The following GALNT18 variants were observed in gnomAD, a reference collection of about 807,000 sequenced individuals.
GALNT18 encodes the protein GalNAc-transferase 18.
In GALNT18, 44 loss-of-function variants were observed where a neutral mutation model predicts 69.5. That is an observed-to-expected ratio of 0.63 (90% confidence interval 0.50 to 0.81). The LOEUF (loss-of-function observed/expected upper bound fraction) is 0.81, where lower values mean the gene tolerates loss of function less well. Among genes scored for constraint, GALNT18 ranks in the 40% least tolerant of loss-of-function variants. GALNT18 has a pLI of 0.00. For synonymous variants in GALNT18, 364 were observed against 318.2 expected (o/e 1.14, Z -1.53); for missense variants, 715 against 810.0 (o/e 0.88, Z 1.42).
chr11:11,352,311 T>C, intron 6 of GALNT18: 1 of 1,614,124 alleles, frequency 6.2e-7, no homozygotes, highest in South Asian at 1.1e-5. Context: ...CAAGATATCA[T>C]TGAAACGTGG....
At chr11:11,280,569 G>C (rs1849051623) in intron 10 of GALNT18, among the ~76,000 whole-genome samples, 1 of 152,172 alleles carries the variant, frequency 6.6e-6, no homozygotes. Context: ...GGCAGGAGAG[G>C]TGAGGCCTGC....
rs997289968 is a variant in GALNT18, at chr11:11,469,682, C to T, written c.236-20746G>A. On this transcript the variant is annotated intron_variant, in intron 1 of 10. Coordinates refer to ENST00000227756, the MANE Select transcript of GALNT18 (RefSeq NM_198516.3). This position sits in a 1 kb window ranked among gnomAD's most constrained non-coding sequence, Gnocchi z 4.2. ...AGGGTCTCAGGGCTGGCTACATGGA[C>T]GGTGTTAAGCAGATTTGCTAAAAGG... Among the ~76,000 whole-genome samples the T allele has an allele frequency of 2.6e-5, 4 of 152,136 alleles. No individual in the cohort carries two copies. The highest frequency in any genetic ancestry group is 6.5e-5 in the Admixed American group (1 of 15,270).
At chr11:11,524,992 A>T (rs1263191240) in intron 1 of GALNT18, among the ~76,000 whole-genome samples, 1 of 152,150 alleles carries the variant, frequency 6.6e-6, no homozygotes, top group Non-Finnish European at 1.5e-5. Context: ...AGGATGCAAA[A>T]CTCAGACTGG....
rs528056255 is a variant in GALNT18 at position 11,460,929 on chromosome 11, A to C, written c.236-11993T>G. 4.6e-5 allele frequency among the ~76,000 whole-genome samples: 7 copies of C among 152,340 alleles called. No individual in the cohort carries two copies. The South Asian group carries it at 1.5e-3, about 32-fold the overall frequency. ...TCAAGTATTCTTTTATAGCAATGCA[A>C]AACAGATTAAGACAGCCAGGGATAC... On this transcript the variant is annotated intron_variant, in intron 1 of 10. Transcript: ENST00000227756.
Position 11,573,290 on chromosome 11 carries a change from T to C in GALNT18, c.235+48069A>G, listed in dbSNP as rs111831641. Among the ~76,000 whole-genome samples, 2,562 of 152,170 alleles carry C rather than the reference T, an allele frequency of 0.017. 76 individuals are homozygous for C. The highest frequency in any genetic ancestry group is 0.058 in the African/African-American group (2,398 of 41,498). On this transcript the variant is annotated intron_variant, in intron 1 of 10. Transcript: ENST00000227756. The surrounding 1 kb of genome is among the most constrained non-coding windows in gnomAD (Gnocchi z 4.6). ...GAAGATGGAGCTCTCTGTCCCCGGG[T>C]GGGGCCGCAGCATCACAGTGCCTGT...
chr11:11,449,068 CTT>C (rs1342845314), intron 1 of GALNT18, 132 bp from the exon 2 acceptor site: 1 of 737,382 alleles, frequency 1.4e-6, no homozygotes, highest in East Asian at 2.9e-5. Context: ...TCAGTGCTGA[CTT>C]GGGTTTTCAT....
intron 1 of GALNT18, among the ~76,000 whole-genome samples, chr11:11,486,154 G>A (rs866499942): frequency 2.0e-5 from 3 of 152,298 alleles, no homozygotes; most frequent in Non-Finnish European, 2.9e-5. Flanking sequence ...TTTGAGGAGC[G>A]AGTAGGCCTG....
chr11:11,464,264 G>T (rs990701333), intron 1 of GALNT18, among the ~76,000 whole-genome samples: 18 of 152,240 alleles, frequency 1.2e-4, no homozygotes, highest in African/African-American at 4.3e-4. Flanking sequence ...GAACAAAAAA[G>T]CCTATGCCCA....
At position 11,377,344 on chromosome 11, in the gene GALNT18, C is replaced by T. The variant is rs777463455; in HGVS notation, c.815G>A (p.Arg272Gln). 4.5e-5 allele frequency: 73 copies of T among 1,613,766 alleles called. No homozygotes were observed. Among genetic ancestry groups the T allele is most frequent in the Admixed American group, 6.7e-5 (4 of 59,992 alleles). Reference protein sequence around the residue: ...EPVLTRIKENRKRIISPSFDN... With the variant: ...EPVLTRIKENQKRIISPSFDN... The stretch of plus-strand genomic sequence containing the variant: ...AAAGGATGGCGAGATGATCCGCTTC[C>T]GGTTCTCCTTGATGCGGGTGAGTAC... The change falls in exon 5 of 11, where the codon CGG becomes CAG. Residue 272 changes from arginine to glutamine, a missense_variant. Arg to Gln is a conservative substitution (Grantham distance 43). Transcript: ENST00000227756. The surrounding 1 kb of genome is among the most constrained non-coding windows in gnomAD (Gnocchi z 4.6).
In GALNT18 at chr11:11,498,877, C is replaced by T. The variant is rs11602257; in HGVS notation, c.236-49941G>A. 5.9e-3 allele frequency among the ~76,000 whole-genome samples: 894 copies of T among 152,300 alleles called. 7 individuals carry two copies. The highest frequency in any genetic ancestry group is 6.3e-3 in the Non-Finnish European group (431 of 68,026). ...GTAGCAATGTAATTGTAGTTACAGT[C>T]AGAGAAGATTAAATGGAAATATGCC... On this transcript the variant is annotated intron_variant, in intron 1 of 10. Transcript: ENST00000227756.
intron 8 of GALNT18, among the ~76,000 whole-genome samples, chr11:11,330,733 A>G (rs939766158): frequency 6.6e-6 from 1 of 152,256 alleles, no homozygotes; most frequent in African/African-American, 2.4e-5. Context: ...TGGGGATGGC[A>G]TGGAGGGCCT....
chr11:11,351,936 T>C (rs1412784942), intron 6 of GALNT18: 1 of 1,567,624 alleles, frequency 6.4e-7, no homozygotes, highest in Non-Finnish European at 8.7e-7. Flanking sequence ...AGGAGACAGA[T>C]AGGGCCGTTA....
intron 1 of GALNT18, among the ~76,000 whole-genome samples, chr11:11,458,898 T>G (rs142701962): frequency 1.3e-5 from 2 of 152,330 alleles, no homozygotes; most frequent in African/African-American, 4.8e-5. Context: ...ACAGGAAGCC[T>G]TGGCCTAACC....
chr11:11,531,238 G>A (rs1474853479), intron 1 of GALNT18, among the ~76,000 whole-genome samples: 4 of 152,210 alleles, frequency 2.6e-5, no homozygotes, highest in African/African-American at 7.2e-5. Context: ...AGGCAGCACA[G>A]TATACAGGCT....
In GALNT18 at chr11:11,332,976, C is replaced by T. The variant is rs1264243071; in HGVS notation, c.1279-145G>A. 2.0e-5 allele frequency: 16 copies of T among 794,904 alleles called. No homozygotes were observed. The highest frequency in any genetic ancestry group is 3.2e-5 in the Non-Finnish European group (16 of 497,342). 49.2% of individuals were successfully genotyped at this position (794,904 alleles called of 1,614,324 possible). On this transcript the variant is annotated intron_variant, in intron 7 of 10. Coordinates refer to ENST00000227756, the MANE Select transcript of GALNT18 (RefSeq NM_198516.3). The surrounding 1 kb of genome is among the most constrained non-coding windows in gnomAD (Gnocchi z 4.3). ...TGTGGCACGTTAACTCTTGCATTTT[C>T]CCACGGGTACCTTAACCCCGTAACC...
rs1190219336 is a variant in GALNT18, at chr11:11,590,052, T to C, written c.235+31307A>G. 6.6e-6 allele frequency among the ~76,000 whole-genome samples: 1 copy of C among 152,216 alleles called. No individual in the cohort carries two copies. Among genetic ancestry groups the C allele is most frequent in the Non-Finnish European group, 1.5e-5 (1 of 68,034 alleles). ...CCTTTGTGACTTTACCTAGGGGTGA[T>C]ATTCAAATATGTAATAACCAATGCA... On this transcript the variant is annotated intron_variant, in intron 1 of 10. Coordinates refer to ENST00000227756, the MANE Select transcript of GALNT18 (RefSeq NM_198516.3). The surrounding 1 kb of genome is among the most constrained non-coding windows in gnomAD (Gnocchi z 4.4).
At position 11,339,744 on chromosome 11, in the gene GALNT18, G is replaced by T. The variant is rs1001431217; in HGVS notation, c.1278+1075C>A. Among the ~76,000 whole-genome samples, 5 of 152,192 alleles carry T rather than the reference G, an allele frequency of 3.3e-5. No homozygotes were observed. Among genetic ancestry groups the T allele is most frequent in the African/African-American group, 4.8e-5 (2 of 41,458 alleles). On this transcript the variant is annotated intron_variant, in intron 7 of 10. Coordinates refer to ENST00000227756, the MANE Select transcript of GALNT18 (RefSeq NM_198516.3). This position sits in a 1 kb window ranked among gnomAD's most constrained non-coding sequence, Gnocchi z 5.2. ...TGCTGAAACCTCACTGATTGTGGGA[G>T]TATGCAACCCAACTCAAGTTCCCCT... is the stretch of plus-strand genomic sequence containing the variant.
At chr11:11,284,908 GTTTTTTTTTT>G (rs58795517) in intron 10 of GALNT18, among the ~76,000 whole-genome samples, 1 of 82,822 alleles carries the variant, frequency 1.2e-5, no homozygotes, top group Non-Finnish European at 2.1e-5. Flanking sequence ...AGACTTTCGT[GTTTTTTTTTT>G]TTTTTTTTTT....
rs530094604 is a variant in GALNT18, at chr11:11,413,227, G to A, written c.595+19394C>T. ...GAGAAGCTGGGACAAGCCCTGCACC[G>A]TGTAGCTCAGGCCCTGTTTAGCTGG... On this transcript the variant is annotated intron_variant, in intron 3 of 10. Coordinates refer to ENST00000227756, the MANE Select transcript of GALNT18 (RefSeq NM_198516.3). The surrounding 1 kb of genome is among the most constrained non-coding windows in gnomAD (Gnocchi z 4.7). 4.6e-5 allele frequency among the ~76,000 whole-genome samples: 7 copies of A among 152,330 alleles called. No homozygotes were observed. In the East Asian group the frequency reaches 5.8e-4, roughly 13 times the overall value.
Sources: gnomAD v4.1 joint callset for allele counts (sites outside exome capture counted in the v4.1 genomes callset) on GRCh38, gnomAD v4.1.1 for gene constraint, Gnocchi (gnomAD v3.1) non-coding constraint, MANE v1.5 for transcripts, NCBI Gene and HGNC (gene_info 2026-07-23, HGNC 2026-07-21) for gene names.